Variants in CNBD1 observed in about 807,000 individuals in gnomAD.
The protein encoded by CNBD1 is cyclic nucleotide binding domain containing 1.
CNBD1 carries 71 observed loss-of-function variants against 54.4 expected under a neutral mutation model. The observed-to-expected ratio is 1.30, with a 90% CI of 1.08 to 1.59. CNBD1 has a LOEUF of 1.59. CNBD1 is among the 40% of genes most tolerant of loss of function. CNBD1 has a pLI of 0.00. For synonymous variants in CNBD1, 182 were observed against 170.7 expected, an observed-to-expected ratio of 1.07 and a Z score of -0.51; for missense variants, 659 against 518.0, an observed-to-expected ratio of 1.27 and a Z score of -2.64.
chr8:87,235,894 C>T (rs1040011750), intron 5 of CNBD1, among the ~76,000 whole-genome samples: 32 of 151,976 alleles, frequency 2.1e-4, no homozygotes, highest in African/African-American at 7.7e-4. Flanking sequence ...AGAAGGAGGT[C>T]TAGTTTAAGC....
At chr8:87,333,717 C>T (rs192629672) in intron 8 of CNBD1, among the ~76,000 whole-genome samples, 8 of 152,148 alleles carry the variant, frequency 5.3e-5, no homozygotes, top group Admixed American at 3.3e-4. Flanking sequence ...GGGATGAAGC[C>T]GACTTGATCA....
At chr8:87,415,444 C>T (rs1160075315) in intron 2 of CNBD1, among the ~76,000 whole-genome samples, 1 of 151,908 alleles carries the variant, frequency 6.6e-6, no homozygotes, top group Non-Finnish European at 1.5e-5. Context: ...ATTTTATCTA[C>T]TGGTGAAATT....
chr8:87,112,515 T>C (rs1811684474), intron 4 of CNBD1, among the ~76,000 whole-genome samples: 1 of 152,268 alleles, frequency 6.6e-6, no homozygotes, highest in Middle Eastern at 3.4e-3. Flanking sequence ...ACACTTTGCT[T>C]CATATGGTTG....
intron 6 of CNBD1, among the ~76,000 whole-genome samples, chr8:87,265,553 TA>T (rs1366149296): frequency 6.6e-6 from 1 of 152,114 alleles, no homozygotes; most frequent in African/African-American, 2.4e-5. Flanking sequence ...TTATAGTTTT[TA>T]AAAAATTAAA....
At chr8:87,056,626 T>A (rs897927618) in intron 4 of CNBD1, among the ~76,000 whole-genome samples, 1 of 152,064 alleles carries the variant, frequency 6.6e-6, no homozygotes, top group Non-Finnish European at 1.5e-5. Context: ...AGAAATATTC[T>A]TGACCAAAAA....
chr8:87,080,552 A>C (rs1185429158), intron 4 of CNBD1, among the ~76,000 whole-genome samples: 1 of 151,750 alleles, frequency 6.6e-6, no homozygotes, highest in Non-Finnish European at 1.5e-5. Flanking sequence ...GCCTGGGTGA[A>C]AGAGTGAAGC....
At chr8:87,059,498 A>T (rs984555458) in intron 4 of CNBD1, among the ~76,000 whole-genome samples, 4 of 152,210 alleles carry the variant, frequency 2.6e-5, no homozygotes, top group African/African-American at 9.6e-5. Flanking sequence ...CTTGACTCAC[A>T]GTTCTGCAGA....
chr8:87,325,846 A>T (rs1474161780), intron 8 of CNBD1, among the ~76,000 whole-genome samples: 198 of 145,912 alleles, frequency 1.4e-3, no homozygotes, highest in African/African-American at 4.8e-3. Context: ...TCCTGTCATT[A>T]TGATGTTAGC....
chr8:86,901,638 G>T (rs910812141), intron 2 of CNBD1, among the ~76,000 whole-genome samples: 6 of 152,078 alleles, frequency 3.9e-5, no homozygotes, highest in African/African-American at 1.4e-4. Context: ...TTGACAGTTT[G>T]TTCTTTTAGT....
At chr8:87,247,333 GA>G (rs1807826306) in intron 6 of CNBD1, among the ~76,000 whole-genome samples, 1 of 152,150 alleles carries the variant, frequency 6.6e-6, no homozygotes, top group Non-Finnish European at 1.5e-5. Context: ...CAACTCTTTT[GA>G]AAGCTGAGAG....
At chr8:87,323,312 T>A (rs1201192297) in intron 8 of CNBD1, among the ~76,000 whole-genome samples, 1 of 124,452 alleles carries the variant, frequency 8.0e-6, no homozygotes, top group East Asian at 2.1e-4. Context: ...CCATATGAAC[T>A]TTAAAGTAGT....
At chr8:87,385,333 C>T (rs746158958), downstream of CNBD1, among the ~76,000 whole-genome samples, 10 of 151,802 alleles carry the variant, frequency 6.6e-5, no homozygotes, top group East Asian at 1.9e-4. Flanking sequence ...TCGCCTCACC[C>T]GGGAAGGGCA....
At chr8:87,369,340 TGA>T (rs1370644097) in intron 10 of CNBD1, among the ~76,000 whole-genome samples, 1 of 152,000 alleles carries the variant, frequency 6.6e-6, no homozygotes, top group African/African-American at 2.4e-5. Flanking sequence ...TTTTTGTGAT[TGA>T]AAAGAGTTCC....
At chr8:87,257,584 G>A (rs530642150) in intron 6 of CNBD1, among the ~76,000 whole-genome samples, 2 of 152,140 alleles carry the variant, frequency 1.3e-5, no homozygotes, top group South Asian at 4.1e-4. Context: ...GTCATGGAAT[G>A]CAGAACCTTT....
chr8:87,016,983 G>A (rs1256130944), intron 4 of CNBD1, among the ~76,000 whole-genome samples: 1 of 152,122 alleles, frequency 6.6e-6, no homozygotes, highest in African/African-American at 2.4e-5. Flanking sequence ...TGGTAAATGT[G>A]GGGGTTAAAG....
At chr8:87,331,503 A>T (rs556958642) in intron 8 of CNBD1, among the ~76,000 whole-genome samples, 1 of 152,206 alleles carries the variant, frequency 6.6e-6, no homozygotes. Context: ...TGCTATTGTG[A>T]ATAGTGCTGC....
rs574907573 is a variant in CNBD1 at position 86,892,690 on chromosome 8, TAG to T, written c.158+5083_158+5084del. Reference sequence around the variant, plus strand: ...AATTAGAAAAGTATTAAGAGTTCGATAGAGACAATTATGATGATTTTAAGGAG... The same window carrying T: ...AATTAGAAAAGTATTAAGAGTTCGATAGACAATTATGATGATTTTAAGGAG... On this transcript the variant is annotated intron_variant, in intron 2 of 10. Coordinates refer to ENST00000518476, the MANE Select transcript of CNBD1 (RefSeq NM_173538.3). Among the ~76,000 whole-genome samples the T allele has an allele frequency of 2.0e-5, 3 of 152,272 alleles. No homozygotes were observed. The South Asian group carries it at 6.2e-4, about 32-fold the overall frequency.
chr8:87,067,488 T>C (rs1810677891), intron 4 of CNBD1, among the ~76,000 whole-genome samples: 1 of 152,006 alleles, frequency 6.6e-6, no homozygotes, highest in South Asian at 2.1e-4. Flanking sequence ...ATGTTGTTTA[T>C]AAAAATTTCA....
At chr8:87,352,041 T>A (rs561764486) in intron 9 of CNBD1, among the ~76,000 whole-genome samples, 98 of 152,278 alleles carry the variant, frequency 6.4e-4, no homozygotes, top group Non-Finnish European at 1.2e-3. Flanking sequence ...CACGTTCTTA[T>A]TCATTAGAGA....
Sources: gnomAD v4.1 joint callset for allele counts (sites outside exome capture counted in the v4.1 genomes callset) on GRCh38, gnomAD v4.1.1 for gene constraint, MANE v1.5 for transcripts, NCBI Gene and HGNC (gene_info 2026-07-23, HGNC 2026-07-21) for gene names.